CACNA2D3: variants seen among roughly 807,000 people sequenced by gnomAD.
The protein encoded by CACNA2D3 is calcium voltage-gated channel auxiliary subunit alpha2delta 3, also known as voltage-dependent calcium channel subunit alpha-2/delta-3.
In CACNA2D3, 60 loss-of-function variants were observed where a neutral mutation model predicts 160.6. The observed-to-expected ratio is 0.37, with a 90% confidence interval of 0.30 to 0.46. The LOEUF (loss-of-function observed/expected upper bound fraction) is 0.46, where lower values mean the gene tolerates loss of function less well. CACNA2D3 is among the 20% of genes least tolerant of loss of function. The probability of loss-of-function intolerance (pLI) is 1.00; values close to 1 mark genes in which losing one functional copy is unlikely to be tolerated. For missense variants in CACNA2D3, 1,205 were observed against 1,365.0 expected (o/e 0.88, Z 1.85); for synonymous variants, 558 against 492.9 (o/e 1.13, Z -1.75).
chr3:54,621,629 G>T (rs1329524258), intron 9 of CACNA2D3, among the ~76,000 whole-genome samples: 1 of 152,156 alleles, frequency 6.6e-6, no homozygotes, highest in Non-Finnish European at 1.5e-5. Context: ...CCACCTTTTG[G>T]TACACGGCTG....
intron 17 of CACNA2D3, among the ~76,000 whole-genome samples, chr3:54,870,549 C>T (rs954012254): frequency 6.6e-6 from 1 of 152,128 alleles, no homozygotes; most frequent in African/African-American, 2.4e-5. Flanking sequence ...TTATAAACAC[C>T]CCACAACCAG....
intron 4 of CACNA2D3, among the ~76,000 whole-genome samples, chr3:54,442,747 A>G (rs4974362): frequency 0.59 from 89,196 of 151,928 alleles, 27,248 homozygotes; most frequent in Non-Finnish European, 0.68. Flanking sequence ...AATCCAATCA[A>G]CCATCTAGGT....
intron 35 of CACNA2D3, among the ~76,000 whole-genome samples, chr3:55,070,473 A>G (rs1201816021): frequency 3.3e-5 from 5 of 152,084 alleles, no homozygotes; most frequent in African/African-American, 4.8e-5. Flanking sequence ...ATGTTTGCCA[A>G]CCTCCAGGAA....
At chr3:54,424,490 C>G (rs765039543) in intron 4 of CACNA2D3, among the ~76,000 whole-genome samples, 1 of 152,226 alleles carries the variant, frequency 6.6e-6, no homozygotes, top group Non-Finnish European at 1.5e-5. Flanking sequence ...ATTAGCTGAT[C>G]ACATTTCCTG....
At chr3:54,982,361 T>C (rs1416222647) in intron 29 of CACNA2D3, among the ~76,000 whole-genome samples, 4 of 152,166 alleles carry the variant, frequency 2.6e-5, no homozygotes, top group Non-Finnish European at 4.4e-5. Flanking sequence ...TTTAGCCCAC[T>C]CTGCCTTAGG....
chr3:54,571,567 C>T (rs1294405920), intron 8 of CACNA2D3, among the ~76,000 whole-genome samples: 1 of 151,616 alleles, frequency 6.6e-6, no homozygotes, highest in African/African-American at 2.4e-5. Flanking sequence ...ACCAAAGGCT[C>T]GTCAGAGTGA....
At chr3:54,493,109 GCT>G (rs1179643242) in intron 4 of CACNA2D3, among the ~76,000 whole-genome samples, 3 of 108,112 alleles carry the variant, frequency 2.8e-5, no homozygotes, top group Admixed American at 1.5e-4. Context: ...ACGGAGTCAG[GCT>G]CTGTCACCCA....
At chr3:55,044,305 A>T (rs1704026454) in intron 35 of CACNA2D3, among the ~76,000 whole-genome samples, 1 of 152,166 alleles carries the variant, frequency 6.6e-6, no homozygotes, top group African/African-American at 2.4e-5. Flanking sequence ...AGTTTTCAAT[A>T]TAATGATTTT....
intron 30 of CACNA2D3, among the ~76,000 whole-genome samples, chr3:54,985,663 A>C: frequency 6.6e-6 from 1 of 152,184 alleles, no homozygotes; most frequent in East Asian, 1.9e-4. Flanking sequence ...GTCTCTTTTA[A>C]ATCATTTAAA....
rs139311485 is a variant in CACNA2D3, at chr3:54,897,962, A to G, written c.2368+1092A>G. ...TATCTGTTAGATTCTTTTCAGGTCT[A>G]AGGTTCTTTGGGTCTGTGCTCCTTT... On this transcript the variant is annotated intron_variant, in intron 26 of 37. Coordinates refer to ENST00000474759, the MANE Select transcript of CACNA2D3 (RefSeq NM_018398.3). 5.9e-5 allele frequency among the ~76,000 whole-genome samples: 9 copies of G among 152,174 alleles called. No individual in the cohort carries two copies. The East Asian group carries it at 1.8e-3, about 30-fold the overall frequency.
intron 8 of CACNA2D3, among the ~76,000 whole-genome samples, chr3:54,572,858 A>C (rs1702521678): frequency 6.6e-6 from 1 of 152,186 alleles, no homozygotes. Flanking sequence ...TCACGTAATA[A>C]GAAGAGCTAA....
chr3:54,178,849 G>A (rs946497062), intron 2 of CACNA2D3, among the ~76,000 whole-genome samples: 1 of 152,202 alleles, frequency 6.6e-6, no homozygotes, highest in African/African-American at 2.4e-5. Flanking sequence ...GGCAGAGTCT[G>A]GGACACAAAC....
intron 5 of CACNA2D3, among the ~76,000 whole-genome samples, chr3:54,507,797 T>A (rs1253471633): frequency 6.6e-6 from 1 of 152,170 alleles, no homozygotes; most frequent in African/African-American, 2.4e-5. Context: ...AGGGTTGCCC[T>A]ACTCTCACAT....
chr3:54,226,312 C>CTTTTTTTTT (rs10677482), intron 2 of CACNA2D3, among the ~76,000 whole-genome samples: 3 of 106,912 alleles, frequency 2.8e-5, no homozygotes, highest in Non-Finnish European at 5.3e-5. Flanking sequence ...GCCCCTGATG[C>CTTTTTTTTT]TTTTTTTTTT....
Position 54,662,607 on chromosome 3 carries a change from C to T in CACNA2D3, c.1167+20366C>T, listed in dbSNP as rs76760042. 5.6e-3 allele frequency among the ~76,000 whole-genome samples: 855 copies of T among 152,320 alleles called. 10 individuals are homozygous for T. The highest frequency in any genetic ancestry group is 0.019 in the African/African-American group (807 of 41,572). ...TTCTCCATATCCAAGCCCCTGCCTCCTCCCTCAGCCTCAGGCCAGCAAGTG... is the reference window on the plus strand; with the variant it reads ...TTCTCCATATCCAAGCCCCTGCCTCTTCCCTCAGCCTCAGGCCAGCAAGTG... On this transcript the variant is annotated intron_variant, in intron 11 of 37. Coordinates refer to ENST00000474759, the MANE Select transcript of CACNA2D3 (RefSeq NM_018398.3).
intron 6 of CACNA2D3, among the ~76,000 whole-genome samples, chr3:54,564,263 C>T (rs1208897799): frequency 6.6e-6 from 1 of 152,140 alleles, no homozygotes; most frequent in Non-Finnish European, 1.5e-5. Flanking sequence ...GTCACGAGGA[C>T]ATTTGAAAAT....
intron 2 of CACNA2D3, among the ~76,000 whole-genome samples, chr3:54,217,768 A>T (rs1701487339): frequency 6.6e-6 from 1 of 152,184 alleles, no homozygotes; most frequent in Non-Finnish European, 1.5e-5. Context: ...CATGGCCCTC[A>T]GAACTGGGAG....
At chr3:54,726,427 C>G (rs1701278251) in intron 11 of CACNA2D3, among the ~76,000 whole-genome samples, 3 of 151,996 alleles carry the variant, frequency 2.0e-5, no homozygotes, top group Non-Finnish European at 4.4e-5. Context: ...ACTTCATATG[C>G]AACCAAAAAA....
intron 4 of CACNA2D3, among the ~76,000 whole-genome samples, chr3:54,400,400 G>A (rs1699433679): frequency 6.6e-6 from 1 of 151,940 alleles, no homozygotes; most frequent in South Asian, 2.1e-4. Flanking sequence ...CCTCTTCCAT[G>A]GATATTCTGA....
Sources: gnomAD v4.1 joint callset for allele counts (sites outside exome capture counted in the v4.1 genomes callset) on GRCh38, gnomAD v4.1.1 for gene constraint, MANE v1.5 for transcripts, NCBI Gene and HGNC (gene_info 2026-07-23, HGNC 2026-07-21) for gene names.